Variants in COL24A1 observed in about 807,000 individuals in gnomAD.
COL24A1 encodes collagen alpha-1(XXIV) chain.
In COL24A1, 224 loss-of-function variants were observed where a neutral mutation model predicts 253.9. That is an observed-to-expected ratio of 0.88 (90% CI 0.79 to 0.99). COL24A1 has a LOEUF of 0.99. COL24A1 is among the 50% of genes least tolerant of loss of function. The pLI is 0.00. For synonymous variants in COL24A1, 685 were observed against 673.7 expected (o/e 1.02, Z -0.26); for missense variants, 2,131 against 2,068.5 (o/e 1.03, Z -0.59).
intron 20 of COL24A1, among the ~76,000 whole-genome samples, chr1:85,982,655 T>C (rs1032820498): frequency 1.3e-5 from 2 of 152,024 alleles, no homozygotes; most frequent in Non-Finnish European, 2.9e-5. Flanking sequence ...TCCTCTCCTC[T>C]GAACTCCCTC....
At chr1:85,946,534 C>T (rs1689339580) in intron 24 of COL24A1, among the ~76,000 whole-genome samples, 1 of 152,180 alleles carries the variant, frequency 6.6e-6, no homozygotes, top group African/African-American at 2.4e-5. Context: ...TTATCCTTCT[C>T]TTTGTGCAGT....
chr1:86,079,705 T>C (rs778262950), intron 7 of COL24A1, among the ~76,000 whole-genome samples: 1 of 152,152 alleles, frequency 6.6e-6, no homozygotes, highest in African/African-American at 2.4e-5. Context: ...TCAACATTAT[T>C]GATCATCAAA....
intron 7 of COL24A1, among the ~76,000 whole-genome samples, chr1:86,068,283 T>C (rs770046644): frequency 1.3e-5 from 2 of 152,178 alleles, no homozygotes; most frequent in Non-Finnish European, 2.9e-5. Flanking sequence ...TCTTAAATAG[T>C]GAATGCCACC....
chr1:85,839,260 T>C lies in COL24A1; in HGVS notation c.3628-622A>G, dbSNP rs150731357. 2.6e-5 allele frequency among the ~76,000 whole-genome samples: 4 copies of C among 152,134 alleles called. No homozygotes were observed. In the East Asian group the frequency reaches 7.8e-4, roughly 30 times the overall value. On this transcript the variant is annotated intron_variant, in intron 42 of 59. Transcript: ENST00000370571. ...AAAATGTTTCAATTAGTACAGTATG[T>C]TATAAATGATGCCCAAATAACTTAC...
intron 47 of COL24A1, among the ~76,000 whole-genome samples, chr1:85,791,470 C>A (rs1325368140): frequency 6.6e-6 from 1 of 152,066 alleles, no homozygotes; most frequent in Non-Finnish European, 1.5e-5. Context: ...GGTAGATTTT[C>A]TGAACTCAAA....
At position 85,824,907 on chromosome 1, in the gene COL24A1, TTA is replaced by T. The variant is rs1674064766; in HGVS notation, c.3682-1171_3682-1170del. Among the ~76,000 whole-genome samples the T allele has an allele frequency of 4.5e-4, 5 of 11,190 alleles. No homozygotes were observed. The South Asian group carries it at 0.023, about 51-fold the overall frequency. 7.3% of individuals were successfully genotyped at this position (11,190 alleles called of 152,430 possible). On this transcript the variant is annotated intron_variant, in intron 43 of 59. Coordinates refer to ENST00000370571, the MANE Select transcript of COL24A1 (RefSeq NM_152890.7). ...TAGGCTAACAATATTTATTCTTTTA[TTA>T]TTATTATTATTATTATTATTATTAT...
At position 85,744,753 on chromosome 1, in the gene COL24A1, G is replaced by A. The variant is rs571492388; in HGVS notation, c.4585C>T (p.His1529Tyr). The A allele has an allele frequency of 1.4e-5, 22 of 1,608,954 alleles. No homozygotes were observed. The African/African-American group carries it at 2.7e-4, about 20-fold the overall frequency. ...KTLNYLSNLLHSIKNPLGTRD... is the reference protein window; with the variant it reads ...KTLNYLSNLLYSIKNPLGTRD... Reference sequence around the variant, plus strand: ...GTGCCAAGAGGATTCTTGATGCTGTGCAATAAATTGCTAAGGTAGTTCAGG... The same window carrying A: ...GTGCCAAGAGGATTCTTGATGCTGTACAATAAATTGCTAAGGTAGTTCAGG... Residue 1529 changes from histidine (H) to tyrosine (Y), a missense_variant, in exon 57 of 60, where the codon CAC becomes TAC. His to Tyr is a moderately conservative substitution (Grantham distance 83). Coordinates refer to ENST00000370571, the MANE Select transcript of COL24A1 (RefSeq NM_152890.7).
intron 2 of COL24A1, among the ~76,000 whole-genome samples, chr1:86,133,697 G>A (rs6685898): frequency 0.64 from 97,540 of 152,030 alleles, 31,514 homozygotes; most frequent in Non-Finnish European, 0.7. Context: ...CCAGGGATGA[G>A]GCCCACTTGA....
At chr1:85,971,430 T>C (rs1305508404) in intron 20 of COL24A1, 37 bp from the exon 21 acceptor site, 1 of 1,487,746 alleles carries the variant, frequency 6.7e-7, no homozygotes, top group Non-Finnish European at 9.3e-7. Context: ...ATAGAAATTT[T>C]AGATCAACTG....
chr1:86,116,241 A>G (rs1014593384), intron 3 of COL24A1, among the ~76,000 whole-genome samples: 1 of 152,158 alleles, frequency 6.6e-6, no homozygotes, highest in African/African-American at 2.4e-5. Context: ...CACATATTCC[A>G]CTTAACAAAT....
Position 85,961,337 on chromosome 1 carries a change from A to G in COL24A1, c.2518-44T>C, listed in dbSNP as rs1037574950. 7 of 1,426,130 alleles carry G rather than the reference A, an allele frequency of 4.9e-6. No individual in the cohort carries two copies. In the African/African-American group the frequency reaches 9.9e-5, roughly 20 times the overall value. The allele number at this position is 1,426,130 out of a possible 1,614,324, so 88.3% of individuals were successfully genotyped here. A position where few individuals can be genotyped will look rare whatever the true frequency, so the allele number is the denominator to read the frequency against. ...AAGTTGCAAAAACAGTTATTTTTCAAACTAGATTATTCATGACAGTTTCAA... is the reference window on the plus strand; with the variant it reads ...AAGTTGCAAAAACAGTTATTTTTCAGACTAGATTATTCATGACAGTTTCAA... On this transcript the variant is annotated intron_variant, in intron 23 of 59. Transcript: ENST00000370571.
chr1:86,156,676 A>C lies in COL24A1; in HGVS notation c.-280T>G. ...GAGGGCGGGCGAGGAGGTAAACCTC[A>C]CTGGGAGGCCTCGGGGCGCCGGCGG... On this transcript the variant is annotated 5_prime_UTR_variant, in exon 1 of 60. Transcript: ENST00000370571. 3.3e-6 allele frequency: 1 copy of C among 301,770 alleles called. No homozygotes were observed. The highest frequency in any genetic ancestry group is 6.1e-6 in the Non-Finnish European group (1 of 164,566). The allele number at this position is 301,770 out of a possible 1,614,324, so 18.7% of individuals were successfully genotyped here.
chr1:86,038,981 T>C (rs1024118109), intron 12 of COL24A1, among the ~76,000 whole-genome samples: 1 of 152,164 alleles, frequency 6.6e-6, no homozygotes, highest in African/African-American at 2.4e-5. Context: ...AAATAATACA[T>C]ATTTATTGTT....
intron 41 of COL24A1, 64 bp from the exon 42 acceptor site, chr1:85,841,342 A>G (rs1201846771): frequency 1.8e-6 from 2 of 1,127,800 alleles, no homozygotes; most frequent in African/African-American, 1.6e-5. Context: ...AAAACACACA[A>G]CCTACTATTT....
At chr1:85,977,689 A>G (rs1214231776) in intron 20 of COL24A1, among the ~76,000 whole-genome samples, 1 of 152,148 alleles carries the variant, frequency 6.6e-6, no homozygotes, top group Non-Finnish European at 1.5e-5. Flanking sequence ...AAGAACAAGA[A>G]CAACAAAAAA....
At chr1:85,812,524 A>G (rs943727111) in intron 47 of COL24A1, among the ~76,000 whole-genome samples, 1 of 152,184 alleles carries the variant, frequency 6.6e-6, no homozygotes, top group African/African-American at 2.4e-5. Flanking sequence ...GGCTTGAGAT[A>G]CGGATCTACA....
intron 55 of COL24A1, among the ~76,000 whole-genome samples, 170 bp from the exon 56 acceptor site, chr1:85,745,676 C>A (rs1665137468): frequency 1.3e-5 from 2 of 152,244 alleles, no homozygotes; most frequent in South Asian, 4.1e-4. Context: ...GCCTGGATAT[C>A]TGAAAGGACA....
chr1:86,056,166 A>T (rs1700650026), intron 10 of COL24A1, among the ~76,000 whole-genome samples: 2 of 151,762 alleles, frequency 1.3e-5, no homozygotes, highest in Non-Finnish European at 2.9e-5. Flanking sequence ...GTTCTTGACC[A>T]CTAATCTCTT....
At chr1:86,005,891 A>C (rs6667293) in intron 19 of COL24A1, among the ~76,000 whole-genome samples, 14,302 of 152,166 alleles carry the variant, frequency 0.094, 1,473 homozygotes, top group East Asian at 0.44. Flanking sequence ...GTTAATATAC[A>C]AAAGTTAACT....
Sources: gnomAD v4.1 joint callset for allele counts (sites outside exome capture counted in the v4.1 genomes callset) on GRCh38, gnomAD v4.1.1 for gene constraint, MANE v1.5 for transcripts, NCBI Gene and HGNC (gene_info 2026-07-23, HGNC 2026-07-21) for gene names.